The following KNG1 variants were observed in gnomAD, a reference collection of about 807,000 sequenced individuals.
KNG1 encodes the protein kininogen-1.
Under a neutral mutation model 47.8 loss-of-function variants are expected in KNG1, and 23 were observed. That is an observed-to-expected ratio of 0.48 (90% CI 0.35 to 0.68). KNG1 has a LOEUF of 0.68. KNG1 is among the 30% of genes least tolerant of loss of function. The pLI is 0.01. For missense variants in KNG1, 762 were observed against 790.2 expected (o/e 0.96, Z 0.43); for synonymous variants, 277 against 277.0 (o/e 1.00, Z 0.00).
chr3:186,735,030 C>T (rs1245966336), intron 7 of KNG1, among the ~76,000 whole-genome samples: 2 of 152,146 alleles, frequency 1.3e-5, no homozygotes, highest in East Asian at 3.9e-4. Context: ...ATCCCAGACA[C>T]AACCACCCTC....
At chr3:186,719,057 A>G (rs927493412) in intron 1 of KNG1, among the ~76,000 whole-genome samples, 1 of 152,114 alleles carries the variant, frequency 6.6e-6, no homozygotes, top group Non-Finnish European at 1.5e-5. Context: ...CACAGTGGAC[A>G]TGTTATTTTT....
chr3:186,730,451 C>T (rs1435024788), intron 5 of KNG1, among the ~76,000 whole-genome samples: 1 of 151,202 alleles, frequency 6.6e-6, no homozygotes, highest in Non-Finnish European at 1.5e-5. Flanking sequence ...ATCAGGAGTT[C>T]GAGATCAGCC....
At chr3:186,719,815 T>C (rs1720135229) in intron 1 of KNG1, among the ~76,000 whole-genome samples, 1 of 152,106 alleles carries the variant, frequency 6.6e-6, no homozygotes, top group Non-Finnish European at 1.5e-5. Context: ...TTTTAACAGC[T>C]TGCTGTGTAT....
At chr3:186,729,207 T>C (rs1316436991) in intron 5 of KNG1, among the ~76,000 whole-genome samples, 1 of 152,226 alleles carries the variant, frequency 6.6e-6, no homozygotes, top group Non-Finnish European at 1.5e-5. Context: ...AAATTAGAAC[T>C]TTTGTACATT....
In KNG1 at chr3:186,739,217, A is replaced by G; in HGVS notation, c.1038+11A>G. 6.2e-7 allele frequency: 1 copy of G among 1,606,360 alleles called. No homozygotes were observed. Among genetic ancestry groups the G allele is most frequent in the Non-Finnish European group, 8.5e-7 (1 of 1,172,986 alleles). ...ACCAAAAAACTTGGCGTGAGTAGTCATGCACCTGTCTACTTTTTCACTGGA... is the reference window on the plus strand; with the variant it reads ...ACCAAAAAACTTGGCGTGAGTAGTCGTGCACCTGTCTACTTTTTCACTGGA... On this transcript the variant is annotated intron_variant, in intron 8 of 9. Transcript: ENST00000644859.
Position 186,743,783 on chromosome 3 carries a change from T to C in KNG1, c.*1452T>C, listed in dbSNP as rs757289294. 9 of 1,613,318 alleles carry C rather than the reference T, an allele frequency of 5.6e-6. 1 individual carries two copies. In the South Asian group the frequency reaches 9.9e-5, roughly 18 times the overall value. ...GCCAGCATCTGAGAGGGAGGTCTCT[T>C]GACCAATGGGCAGAATCTTCACTCC... On this transcript the variant is annotated 3_prime_UTR_variant, in exon 10 of 10. Coordinates refer to ENST00000644859, the MANE Select transcript of KNG1 (RefSeq NM_001102416.3).
chr3:186,737,786 C>T (rs1034550518), intron 7 of KNG1, among the ~76,000 whole-genome samples: 2 of 152,088 alleles, frequency 1.3e-5, no homozygotes, highest in Non-Finnish European at 2.9e-5. Flanking sequence ...TCTCGAACCC[C>T]TGACCTCAGG....
At chr3:186,722,359 G>A in intron 2 of KNG1, 78 bp from the exon 3 acceptor site, 9 of 1,182,946 alleles carry the variant, frequency 7.6e-6, no homozygotes, top group Middle Eastern at 1.9e-4. Flanking sequence ...TTTAAGGAAA[G>A]CCACATTTAG....
At chr3:186,735,070 G>A (rs1484649206) in intron 7 of KNG1, among the ~76,000 whole-genome samples, 2 of 152,164 alleles carry the variant, frequency 1.3e-5, no homozygotes, top group African/African-American at 4.8e-5. Context: ...ATATGACCAC[G>A]TTAGGTTTAC....
At chr3:186,725,635 C>G (rs1483750239) in intron 4 of KNG1, among the ~76,000 whole-genome samples, 1 of 145,874 alleles carries the variant, frequency 6.9e-6, no homozygotes, top group Non-Finnish European at 1.5e-5. Context: ...AGCTCCGCCT[C>G]CTGGGTTCAG....
At chr3:186,728,535 TACAA>T (rs1485617839) in intron 5 of KNG1, 2 of 152,210 alleles carry the variant, frequency 1.3e-5, no homozygotes, top group Non-Finnish European at 2.9e-5. Flanking sequence ...AAAAGTGGGA[TACAA>T]AACTATACAT....
intron 9 of KNG1, 43 bp downstream of exon 9, chr3:186,739,457 T>C (rs1456047503): frequency 2.3e-6 from 3 of 1,316,054 alleles, no homozygotes; most frequent in Non-Finnish European, 3.3e-6. Context: ...GTTCTGCTCA[T>C]TCTGAAAATC....
At chr3:186,729,258 A>C (rs266723) in intron 5 of KNG1, among the ~76,000 whole-genome samples, 66,400 of 152,002 alleles carry the variant, frequency 0.44, 14,744 homozygotes, top group South Asian at 0.61. Context: ...TATAGAAAAT[A>C]ATTTGGCAAT....
chr3:186,720,150 G>A lies in KNG1; in HGVS notation c.241G>A (p.Gly81Arg), dbSNP rs754842368. The A allele has an allele frequency of 3.7e-6, 6 of 1,613,866 alleles. No homozygotes were observed. The highest frequency in any genetic ancestry group is 2.7e-5 in the African/African-American group (2 of 74,904). ...TTCCTTCAAGTACGAAATCAAGGAG[G>A]GGGATTGTCCTGTTCAAAGTGGCAA... ...FYSFKYEIKE[G>R]DCPVQSGKTW... Residue 81 changes from glycine to arginine, a missense_variant, in exon 2 of 10, where the codon GGG becomes AGG. Transcript: ENST00000644859.
chr3:186,722,688 C>A (rs1325586427), intron 3 of KNG1, among the ~76,000 whole-genome samples, 167 bp downstream of exon 3: 9 of 152,220 alleles, frequency 5.9e-5, no homozygotes, highest in Non-Finnish European at 1.5e-5. Flanking sequence ...GAGGTTGAGC[C>A]AGGCTTGTGA....
At chr3:186,739,227 C>A in intron 8 of KNG1, 21 bp downstream of exon 8, 1 of 1,597,994 alleles carries the variant, frequency 6.3e-7, no homozygotes. Flanking sequence ...ATGCACCTGT[C>A]TACTTTTTCA....
rs1246707689 is a variant in KNG1, at chr3:186,722,521, G to A, written c.391G>A (p.Ala131Thr). The change falls in exon 3 of 10, where the codon GCC becomes ACC. Residue 131 changes from alanine (A) to threonine (T), a missense_variant and splice_region_variant. Transcript: ENST00000644859. The stretch of plus-strand genomic sequence containing the variant: ...TACCCAGACCTGCCAGATTACTCCA[G>A]GTGGCTGGTTTATCCTCTGGCACTG... ...VATQTCQITP[A>T]EGPVVTAQYD... 6.2e-7 allele frequency: 1 copy of A among 1,611,374 alleles called. No homozygotes were observed. The highest frequency in any genetic ancestry group is 1.3e-5 in the African/African-American group (1 of 74,986).
At chr3:186,730,670 AAAAAAAAAAAAAAATATATATATAT>A (rs1339532739) in intron 5 of KNG1, among the ~76,000 whole-genome samples, 5 of 68,280 alleles carry the variant, frequency 7.3e-5, no homozygotes, top group Non-Finnish European at 1.0e-4. Flanking sequence ...AAAAAAAAAA[AAAAAAAAAAAAAAATATATATATAT>A]ATATATATAT....
Position 186,720,146 on chromosome 3 carries a change from G to A in KNG1, c.237G>A (p.Lys79=). The A allele has an allele frequency of 6.2e-7, 1 of 1,613,998 alleles. No homozygotes were observed. The highest frequency in any genetic ancestry group is 1.1e-5 in the South Asian group (1 of 91,064). Reference sequence around the variant, plus strand: ...TTTATTCCTTCAAGTACGAAATCAAGGAGGGGGATTGTCCTGTTCAAAGTG... The same window carrying A: ...TTTATTCCTTCAAGTACGAAATCAAAGAGGGGGATTGTCCTGTTCAAAGTG... The part of the protein sequence containing the change: ...DTFYSFKYEI[K]EGDCPVQSGK... Residue 79 remains lysine, a synonymous_variant, in exon 2 of 10, where the codon AAG becomes AAA. Coordinates refer to ENST00000644859, the MANE Select transcript of KNG1 (RefSeq NM_001102416.3).
Sources: gnomAD v4.1 joint callset for allele counts (sites outside exome capture counted in the v4.1 genomes callset) on GRCh38, gnomAD v4.1.1 for gene constraint, MANE v1.5 for transcripts, NCBI Gene and HGNC (gene_info 2026-07-23, HGNC 2026-07-21) for gene names.